S100A8: variants seen among roughly 807,000 people sequenced by gnomAD.
S100A8 encodes the protein protein S100-A8.
S100A8 carries 1 observed loss-of-function variant against 4.2 expected under a neutral mutation model. The observed-to-expected ratio is 0.24, with a 90% CI of 0.08 to 1.12. The LOEUF is 1.12. S100A8 is among the 50% of genes most tolerant of loss of function. The pLI is 0.53. For synonymous variants in S100A8, 41 were observed against 44.7 expected (o/e 0.92, Z 0.33); for missense variants, 96 against 111.8 (o/e 0.86, Z 0.64).
chr1:153,403,117 GA>G, the S100A8 span, among the ~76,000 whole-genome samples: 1 of 152,186 alleles, frequency 6.6e-6, no homozygotes, highest in Non-Finnish European at 1.5e-5. Flanking sequence ...TCTAACTGTG[GA>G]AAGTAAAGTC....
the S100A8 span, among the ~76,000 whole-genome samples, chr1:153,400,031 G>A: frequency 6.6e-6 from 1 of 152,128 alleles, no homozygotes; most frequent in Non-Finnish European, 1.5e-5. Context: ...CTCATAGTCT[G>A]TCAGTGGAGG....
chr1:153,392,537 T>C (rs568033892), upstream of S100A8, among the ~76,000 whole-genome samples: 7 of 152,378 alleles, frequency 4.6e-5, no homozygotes, highest in South Asian at 1.4e-3. Context: ...TGTACATTCA[T>C]GTTCATAGCA....
the S100A8 span, among the ~76,000 whole-genome samples, chr1:153,410,058 C>T: frequency 2.0e-5 from 3 of 152,106 alleles, no homozygotes; most frequent in Non-Finnish European, 4.4e-5. Flanking sequence ...CCTAACATCA[C>T]AATTAAAAGA....
At chr1:153,403,209 T>A in the S100A8 span, among the ~76,000 whole-genome samples, 1 of 152,248 alleles carries the variant, frequency 6.6e-6, no homozygotes, top group African/African-American at 2.4e-5. Flanking sequence ...CTAAGAGTTT[T>A]AGTTTTAGCT....
chr1:153,395,529 G>A (rs146347706), upstream of S100A8, among the ~76,000 whole-genome samples: 369 of 152,188 alleles, frequency 2.4e-3, 4 homozygotes, highest in African/African-American at 8.2e-3. Context: ...TCCCCATGAA[G>A]CTGTTTACCT....
the S100A8 span, among the ~76,000 whole-genome samples, chr1:153,409,771 C>T: frequency 9.9e-5 from 15 of 152,182 alleles, no homozygotes; most frequent in Non-Finnish European, 1.8e-4. Flanking sequence ...GAAGTTATAA[C>T]AAACTGTCTC....
the S100A8 span, chr1:153,419,112 A>T: frequency 1.2e-6 from 2 of 1,606,996 alleles, no homozygotes; most frequent in South Asian, 2.2e-5. Context: ...TTGTGATTGA[A>T]TTTTTCTATT....
the S100A8 span, among the ~76,000 whole-genome samples, chr1:153,411,102 T>A: frequency 6.6e-6 from 1 of 152,148 alleles, no homozygotes; most frequent in Non-Finnish European, 1.5e-5. Context: ...CTACTCCTAT[T>A]CAACATAGTG....
the S100A8 span, among the ~76,000 whole-genome samples, chr1:153,409,540 T>A: frequency 0.012 from 1,767 of 152,272 alleles, 38 homozygotes; most frequent in African/African-American, 0.04. Context: ...GAGACTTTAA[T>A]ACCCCACTGT....
Position 153,390,717 on chromosome 1 carries a change from G to A in S100A8, c.-22-160C>T, listed in dbSNP as rs1662073091. On this transcript the variant is annotated intron_variant, in intron 1 of 2. Coordinates refer to ENST00000368733, the MANE Select transcript of S100A8 (RefSeq NM_002964.5). ...GCTATGGCTCTGGTGGGAAGGGTGG[G>A]ATGATAGGGATACACGTGTGGGAAG... 4.7e-6 allele frequency: 4 copies of A among 855,216 alleles called. No homozygotes were observed. In the South Asian group the frequency reaches 6.8e-5, roughly 15 times the overall value. 53.0% of individuals were successfully genotyped at this position (855,216 alleles called of 1,614,324 possible). A position where few individuals can be genotyped will look rare whatever the true frequency, so the allele number is the denominator to read the frequency against.
the S100A8 span, among the ~76,000 whole-genome samples, chr1:153,416,010 T>G: frequency 1.3e-5 from 2 of 152,214 alleles, no homozygotes; most frequent in Admixed American, 1.3e-4. Flanking sequence ...TTTCCTAAAA[T>G]AGAGATTGCA....
chr1:153,409,768 T>C, the S100A8 span, among the ~76,000 whole-genome samples: 2 of 152,196 alleles, frequency 1.3e-5, no homozygotes, highest in Non-Finnish European at 1.5e-5. Context: ...ACAGAAGTTA[T>C]AACAAACTGT....
chr1:153,390,970 G>T (rs924889580), intron 1 of S100A8, 71 bp downstream of exon 1: 2 of 969,730 alleles, frequency 2.1e-6, no homozygotes, highest in African/African-American at 1.8e-5. Context: ...TCTCAGGAAG[G>T]CTGCTCCACT....
chr1:153,390,641 G>A, intron 1 of S100A8, 84 bp from the exon 2 acceptor site: 1 of 1,527,708 alleles, frequency 6.5e-7, no homozygotes, highest in Non-Finnish European at 8.9e-7. Context: ...CATGCCCCAA[G>A]CGATGGCCTT....
chr1:153,405,263 G>T, the S100A8 span, among the ~76,000 whole-genome samples: 1 of 151,534 alleles, frequency 6.6e-6, no homozygotes, highest in Non-Finnish European at 1.5e-5. Flanking sequence ...CGGCCTCCGA[G>T]AAAGCAACCT....
chr1:153,412,500 T>A, the S100A8 span, among the ~76,000 whole-genome samples: 889 of 152,168 alleles, frequency 5.8e-3, 7 homozygotes, highest in African/African-American at 0.02. Flanking sequence ...GGGGAGGATG[T>A]GGAGAAATAG....
the S100A8 span, among the ~76,000 whole-genome samples, chr1:153,412,835 G>A: frequency 6.6e-6 from 1 of 152,120 alleles, no homozygotes; most frequent in Non-Finnish European, 1.5e-5. Context: ...TCCTTTGTAG[G>A]GACACGGATG....
the S100A8 span, among the ~76,000 whole-genome samples, chr1:153,402,921 TAGATCAAC>T: frequency 6.6e-6 from 1 of 152,236 alleles, no homozygotes; most frequent in Non-Finnish European, 1.5e-5. Context: ...GACAGTCACA[TAGATCAAC>T]AGAACTAAAT....
the S100A8 span, among the ~76,000 whole-genome samples, chr1:153,415,722 C>T: frequency 9.2e-5 from 4 of 43,354 alleles, no homozygotes; most frequent in Admixed American, 7.5e-4. Flanking sequence ...GCGGGGGGGG[C>T]GGGGGTCACT....
Sources: allele counts gnomAD v4.1 joint callset (sites outside exome capture counted in the v4.1 genomes callset), GRCh38; gene constraint gnomAD v4.1.1; transcripts MANE v1.5; gene names NCBI Gene and HGNC (gene_info 2026-07-23, HGNC 2026-07-21).